The following LYPLA1 variants were observed in gnomAD, a reference collection of about 807,000 sequenced individuals.
LYPLA1 encodes the protein acyl-protein thioesterase 1.
LYPLA1 carries 17 observed loss-of-function variants against 34.0 expected under a neutral mutation model. The ratio of observed to expected loss-of-function variants is 0.50; its 90% CI spans 0.34 to 0.75. LYPLA1 has a LOEUF of 0.75. Among genes scored for constraint, LYPLA1 ranks in the 30% least tolerant of loss-of-function variants. The probability of loss-of-function intolerance (pLI) is 0.01; values close to 1 mark genes in which losing one functional copy is unlikely to be tolerated. For missense variants in LYPLA1, 203 were observed against 288.8 expected (o/e 0.70, Z 2.15); for synonymous variants, 98 against 100.8 (o/e 0.97, Z 0.17).
At chr8:54,061,638 G>A (rs1806642698) in intron 5 of LYPLA1, among the ~76,000 whole-genome samples, 1 of 151,994 alleles carries the variant, frequency 6.6e-6, no homozygotes, top group Non-Finnish European at 1.5e-5. Flanking sequence ...ACCTGGCGGG[G>A]CATGGTGGTG....
intron 2 of LYPLA1, among the ~76,000 whole-genome samples, chr8:54,096,067 G>C (rs1809659426): frequency 6.6e-6 from 1 of 152,154 alleles, no homozygotes; most frequent in Admixed American, 6.6e-5. Context: ...CTTAATGATG[G>C]TTATACTGGA....
At chr8:54,068,830 C>T (rs1807264228) in intron 2 of LYPLA1, among the ~76,000 whole-genome samples, 3 of 152,084 alleles carry the variant, frequency 2.0e-5, no homozygotes, top group African/African-American at 7.2e-5. Context: ...AATTAGAAAT[C>T]ATCAAAATTA....
At chr8:54,063,073 A>G (rs1467084978) in intron 4 of LYPLA1, among the ~76,000 whole-genome samples, 1 of 152,214 alleles carries the variant, frequency 6.6e-6, no homozygotes, top group African/African-American at 2.4e-5. Flanking sequence ...TAAAACCAAC[A>G]AAGGTTTATC....
chr8:54,074,483 A>G (rs1807739699), intron 2 of LYPLA1, among the ~76,000 whole-genome samples: 1 of 152,256 alleles, frequency 6.6e-6, no homozygotes, highest in Admixed American at 6.5e-5. Flanking sequence ...ACAGCAGTTA[A>G]TAGAATGCAT....
At chr8:54,088,358 A>C (rs971082754) in intron 2 of LYPLA1, among the ~76,000 whole-genome samples, 2 of 152,254 alleles carry the variant, frequency 1.3e-5, no homozygotes, top group Non-Finnish European at 1.5e-5. Flanking sequence ...ACATGAGATG[A>C]TGCTCAACAT....
chr8:54,085,752 C>A (rs1470420997), intron 2 of LYPLA1, among the ~76,000 whole-genome samples: 3 of 140,222 alleles, frequency 2.1e-5, no homozygotes, highest in Admixed American at 1.5e-4. Context: ...CCAGCCGCCC[C>A]GTCAGTTAGG....
chr8:54,079,714 G>A (rs1808171605), intron 2 of LYPLA1, among the ~76,000 whole-genome samples: 1 of 151,908 alleles, frequency 6.6e-6, no homozygotes, highest in Middle Eastern at 3.2e-3. Flanking sequence ...AGGATCAATT[G>A]AGCCTGGGAG....
chr8:54,044,534 GCCCAGA>G (rs1244363886), downstream of LYPLA1, among the ~76,000 whole-genome samples: 1 of 152,014 alleles, frequency 6.6e-6, no homozygotes, highest in Non-Finnish European at 1.5e-5. Context: ...CCAGTCCACA[GCCCAGA>G]CCAAAACAGG....
intron 2 of LYPLA1, among the ~76,000 whole-genome samples, chr8:54,085,649 G>A (rs1156616240): frequency 6.8e-4 from 102 of 149,004 alleles, no homozygotes; most frequent in African/African-American, 2.4e-3. Context: ...GGGAACTGAG[G>A]AGTGTCTCTG....
chr8:54,086,339 T>G (rs918441025), intron 2 of LYPLA1, among the ~76,000 whole-genome samples: 1 of 149,698 alleles, frequency 6.7e-6, no homozygotes, highest in Non-Finnish European at 1.5e-5. Flanking sequence ...TTTGTTCACA[T>G]GTTTATCTGC....
Position 54,052,745 on chromosome 8 carries a change from T to C in LYPLA1, c.372A>G (p.Leu124=), listed in dbSNP as rs761472309. 6.2e-7 allele frequency: 1 copy of C among 1,609,612 alleles called. No individual in the cohort carries two copies. The highest frequency in any genetic ancestry group is 1.1e-5 in the South Asian group (1 of 90,866). Residue 124 remains leucine (L), a synonymous_variant, in exon 7 of 9, where the codon TTA becomes TTG. Coordinates refer to ENST00000316963, the MANE Select transcript of LYPLA1 (RefSeq NM_006330.4). ...ILGGFSQGGA[L]SLYTALTTQQ... The stretch of plus-strand genomic sequence containing the variant: ...GTGTGGTAAGGGCAGTATATAAAGA[T>C]AAAGCTCCTCCCTGAAAAGACAAGC...
intron 2 of LYPLA1, among the ~76,000 whole-genome samples, chr8:54,092,674 T>C (rs895803615): frequency 6.6e-6 from 1 of 152,128 alleles, no homozygotes; most frequent in East Asian, 1.9e-4. Context: ...TCAGTGACAA[T>C]GAAAAACTCA....
In LYPLA1 at chr8:54,047,169, A is replaced by C. The variant is rs372949634; in HGVS notation, c.*896T>G. On this transcript the variant is annotated 3_prime_UTR_variant, in exon 9 of 9. Transcript: ENST00000316963. ...ATGAAACCACAGAATTATTCCTGTT[A>C]CCTGGGTTGAAGATCCTAATAGCTA... is the stretch of plus-strand genomic sequence containing the variant. 1 of 152,164 alleles carries C rather than the reference A, an allele frequency of 6.6e-6. No individual in the cohort carries two copies. The highest frequency in any genetic ancestry group is 1.9e-4 in the East Asian group (1 of 5,202). 9.4% of individuals were successfully genotyped at this position (152,164 alleles called of 1,614,324 possible). A position where few individuals can be genotyped will look rare whatever the true frequency, so the allele number is the denominator to read the frequency against.
intron 5 of LYPLA1, among the ~76,000 whole-genome samples, 154 bp downstream of exon 5, chr8:54,062,100 C>T (rs1366860697): frequency 1.3e-5 from 2 of 152,042 alleles, no homozygotes; most frequent in African/African-American, 4.8e-5. Flanking sequence ...TCAGGTGACC[C>T]ACCCGCCTCT....
intron 8 of LYPLA1, 78 bp from the exon 9 acceptor site, chr8:54,048,196 C>G: frequency 2.3e-6 from 2 of 865,744 alleles, no homozygotes; most frequent in Non-Finnish European, 3.9e-6. Flanking sequence ...TGCCACTAAT[C>G]AAATCTATGG....
chr8:54,099,995 T>C (rs1809994130), intron 2 of LYPLA1, among the ~76,000 whole-genome samples: 1 of 152,170 alleles, frequency 6.6e-6, no homozygotes, highest in African/African-American at 2.4e-5. Context: ...CAATGGTTCA[T>C]TTTAAAGAAA....
At chr8:54,075,800 C>T (rs901130549) in intron 2 of LYPLA1, among the ~76,000 whole-genome samples, 10 of 152,104 alleles carry the variant, frequency 6.6e-5, no homozygotes, top group Non-Finnish European at 1.5e-4. Flanking sequence ...AGGCATACTA[C>T]CCTCAAAAAC....
chr8:54,064,062 G>A (rs966112588), intron 3 of LYPLA1, among the ~76,000 whole-genome samples: 2 of 143,762 alleles, frequency 1.4e-5, no homozygotes, highest in African/African-American at 2.6e-5. Flanking sequence ...CCTAGGTTGG[G>A]CAACAGCCTT....
intron 8 of LYPLA1, 110 bp downstream of exon 8, chr8:54,050,902 A>G: frequency 8.7e-7 from 1 of 1,147,882 alleles, no homozygotes; most frequent in Non-Finnish European, 1.2e-6. Flanking sequence ...TTATGACTCA[A>G]TATGAATTAA....
Sources: allele counts gnomAD v4.1 joint callset (sites outside exome capture counted in the v4.1 genomes callset), GRCh38; gene constraint gnomAD v4.1.1; transcripts MANE v1.5; gene names NCBI Gene and HGNC (gene_info 2026-07-23, HGNC 2026-07-21).